The following DPYD variants were observed in gnomAD, a reference collection of about 807,000 sequenced individuals.
DPYD encodes the protein dihydropyrimidine dehydrogenase [NADP(+)].
Under a neutral mutation model 116.2 loss-of-function variants are expected in DPYD, and 109 were observed. The ratio of observed to expected loss-of-function variants is 0.94; its 90% CI spans 0.80 to 1.10. The LOEUF (loss-of-function observed/expected upper bound fraction) is 1.10. Among genes scored for constraint, DPYD ranks in the 50% least tolerant of loss-of-function variants. The probability of loss-of-function intolerance (pLI) is 0.00; values close to 1 mark genes in which losing one functional copy is unlikely to be tolerated. For synonymous variants in DPYD, 440 were observed against 432.0 expected (o/e 1.02, Z -0.23); for missense variants, 1,302 against 1,254.5 (o/e 1.04, Z -0.57).
chr1:97,830,037 T>A (rs1669454405), intron 2 of DPYD, among the ~76,000 whole-genome samples: 1 of 152,126 alleles, frequency 6.6e-6, no homozygotes, highest in South Asian at 2.1e-4. Flanking sequence ...CTGAGAATGA[T>A]GGTTTCCAGC....
intron 5 of DPYD, among the ~76,000 whole-genome samples, chr1:97,704,004 T>G (rs1369645774): frequency 6.6e-6 from 1 of 152,070 alleles, no homozygotes; most frequent in African/African-American, 2.4e-5. Context: ...ATTCAATGTT[T>G]TTTTAGCCAC....
At chr1:97,255,777 T>C (rs1252043811) in intron 18 of DPYD, among the ~76,000 whole-genome samples, 1 of 151,462 alleles carries the variant, frequency 6.6e-6, no homozygotes, top group African/African-American at 2.4e-5. Context: ...AACTGGTAAG[T>C]GGTGGCACCA....
intron 8 of DPYD, among the ~76,000 whole-genome samples, chr1:97,613,117 C>T (rs1461081122): frequency 6.6e-6 from 1 of 151,796 alleles, no homozygotes; most frequent in African/African-American, 2.4e-5. Flanking sequence ...TTCTGCCCTT[C>T]CCTTGATTCC....
chr1:97,445,793 T>C (rs1300073201), intron 14 of DPYD, among the ~76,000 whole-genome samples: 1 of 151,014 alleles, frequency 6.6e-6, no homozygotes, highest in Non-Finnish European at 1.5e-5. Flanking sequence ...TGGCATAATC[T>C]CGGCTCACTG....
intron 11 of DPYD, among the ~76,000 whole-genome samples, chr1:97,555,916 C>G (rs1055169502): frequency 6.6e-6 from 1 of 152,162 alleles, no homozygotes; most frequent in Non-Finnish European, 1.5e-5. Context: ...CATACATGTA[C>G]AGTAGTACCT....
intron 13 of DPYD, among the ~76,000 whole-genome samples, chr1:97,486,509 T>G (rs1678646044): frequency 6.6e-6 from 1 of 152,174 alleles, no homozygotes; most frequent in Admixed American, 6.5e-5. Context: ...ATAGAATTTA[T>G]ATCACATAAA....
At chr1:97,435,453 T>C (rs917672655) in intron 14 of DPYD, among the ~76,000 whole-genome samples, 1 of 151,956 alleles carries the variant, frequency 6.6e-6, no homozygotes, top group African/African-American at 2.4e-5. Flanking sequence ...GTATACTTCA[T>C]TTGTCTTATT....
chr1:97,354,226 C>G (rs184497128), intron 16 of DPYD, among the ~76,000 whole-genome samples: 2 of 152,284 alleles, frequency 1.3e-5, no homozygotes, highest in East Asian at 1.9e-4. Context: ...GGCATAGAGA[C>G]AGCTGAAAAG....
chr1:97,082,979 C>T (rs1214948465), intron 21 of DPYD, among the ~76,000 whole-genome samples: 2 of 152,062 alleles, frequency 1.3e-5, no homozygotes, highest in South Asian at 2.1e-4. Context: ...GAATACTCAC[C>T]TGTCATGTCT....
chr1:97,237,241 CAAAAAAAA>C (rs58926889), intron 18 of DPYD, among the ~76,000 whole-genome samples: 12 of 57,694 alleles, frequency 2.1e-4, no homozygotes, highest in African/African-American at 5.4e-4. Flanking sequence ...GATTCTGTCT[CAAAAAAAA>C]AAAAAAAAAA....
intron 5 of DPYD, chr1:97,720,356 G>T (rs1662853795): frequency 2.0e-6 from 2 of 985,462 alleles, no homozygotes; most frequent in Admixed American, 6.2e-5. Flanking sequence ...CCAAAGAAAA[G>T]TGAGGAGGAA....
chr1:97,388,168 C>T (rs1010149577), intron 14 of DPYD, among the ~76,000 whole-genome samples: 6 of 152,012 alleles, frequency 3.9e-5, no homozygotes, highest in Non-Finnish European at 8.8e-5. Flanking sequence ...AGATATTTGG[C>T]TTGAACTACT....
At chr1:97,165,635 A>T (rs1382034880) in intron 20 of DPYD, among the ~76,000 whole-genome samples, 1 of 152,198 alleles carries the variant, frequency 6.6e-6, no homozygotes, top group South Asian at 2.1e-4. Flanking sequence ...GTAAACAGAA[A>T]ACCTACAGAA....
chr1:97,222,313 C>T (rs1278484481), intron 19 of DPYD, among the ~76,000 whole-genome samples: 2 of 152,046 alleles, frequency 1.3e-5, no homozygotes, highest in Admixed American at 1.3e-4. Context: ...TAGCTATACG[C>T]CTGCAAACAT....
intron 12 of DPYD, among the ~76,000 whole-genome samples, chr1:97,540,984 T>C (rs540095157): frequency 8.5e-5 from 13 of 152,312 alleles, no homozygotes; most frequent in African/African-American, 2.9e-4. Flanking sequence ...ATTCAGTCTC[T>C]ATTTGGTGCT....
At position 97,268,623 on chromosome 1, in the gene DPYD, T is replaced by C. The variant is rs532358947; in HGVS notation, c.2300-33629A>G. Among the ~76,000 whole-genome samples the C allele has an allele frequency of 5.3e-5, 8 of 152,206 alleles. No homozygotes were observed. In the South Asian group the frequency reaches 1.7e-3, roughly 32 times the overall value. On this transcript the variant is annotated intron_variant, in intron 18 of 22. Transcript: ENST00000370192. ...CTGGAGTGATGGATCAAGGTGCCCCTAGGATTGCTTGAGCCACTGCTGGGG... is the reference window on the plus strand; with the variant it reads ...CTGGAGTGATGGATCAAGGTGCCCCCAGGATTGCTTGAGCCACTGCTGGGG...
chr1:97,714,154 A>G (rs1662460785), intron 5 of DPYD, among the ~76,000 whole-genome samples: 1 of 152,076 alleles, frequency 6.6e-6, no homozygotes, highest in African/African-American at 2.4e-5. Flanking sequence ...TTCCAAAATA[A>G]AATAAAACTG....
At chr1:97,482,796 C>T (rs901514109) in intron 13 of DPYD, among the ~76,000 whole-genome samples, 10 of 152,132 alleles carry the variant, frequency 6.6e-5, no homozygotes, top group Admixed American at 2.0e-4. Flanking sequence ...CCCTAACTTC[C>T]TATGATGGAA....
At chr1:97,846,542 G>A (rs1378321731) in intron 2 of DPYD, among the ~76,000 whole-genome samples, 1 of 152,198 alleles carries the variant, frequency 6.6e-6, no homozygotes, top group African/African-American at 2.4e-5. Flanking sequence ...CAGGTAGATC[G>A]TGTCAGAATT....
Sources: gnomAD v4.1 joint callset for allele counts (sites outside exome capture counted in the v4.1 genomes callset) on GRCh38, gnomAD v4.1.1 for gene constraint, MANE v1.5 for transcripts, NCBI Gene and HGNC (gene_info 2026-07-23, HGNC 2026-07-21) for gene names.